Variants in CSMD1 observed in about 807,000 individuals in gnomAD.
CSMD1 encodes CUB and Sushi multiple domains 1.
Under a neutral mutation model 417.5 loss-of-function variants are expected in CSMD1, and 213 were observed. The ratio of observed to expected loss-of-function variants is 0.51; its 90% CI spans 0.46 to 0.57. The LOEUF (loss-of-function observed/expected upper bound fraction) is 0.57. Among genes scored for constraint, CSMD1 ranks in the 20% least tolerant of loss-of-function variants. The pLI is 0.00. For synonymous variants in CSMD1, 2,862 were observed against 1,736.8 expected, an observed-to-expected ratio of 1.65 and a Z score of -16.11; for missense variants, 6,923 against 4,529.7, an observed-to-expected ratio of 1.53 and a Z score of -15.17.
At chr8:4,944,463 T>G (rs967136725) in intron 1 of CSMD1, among the ~76,000 whole-genome samples, 2 of 152,180 alleles carry the variant, frequency 1.3e-5, no homozygotes, top group African/African-American at 2.4e-5. Flanking sequence ...AAATCCTCAT[T>G]TGACTAACCC....
intron 7 of CSMD1, among the ~76,000 whole-genome samples, chr8:3,619,354 C>A (rs538619726): frequency 2.0e-5 from 3 of 149,108 alleles, no homozygotes; most frequent in Non-Finnish European, 3.0e-5. Flanking sequence ...ACATGGAGCA[C>A]GGTAGTTAAT....
chr8:3,387,840 T>A (rs1270535118), intron 17 of CSMD1, among the ~76,000 whole-genome samples, 158 bp from the exon 18 acceptor site: 1 of 152,242 alleles, frequency 6.6e-6, no homozygotes, highest in Non-Finnish European at 1.5e-5. Flanking sequence ...AGCCAATGCA[T>A]CTTCAAACAT....
chr8:3,148,791 A>G (rs1201198297), intron 40 of CSMD1, among the ~76,000 whole-genome samples: 1 of 152,152 alleles, frequency 6.6e-6, no homozygotes, highest in Admixed American at 6.6e-5. Context: ...ACACATCGCC[A>G]CTCACATGCC....
Position 3,060,540 on chromosome 8 carries a change from G to A in CSMD1, c.7475-7893C>T, listed in dbSNP as rs548561837. ...TTAGAACAGACCACTTACTTGGCTA[G>A]GAAGTTAGACTTGCTCACAGGCATG... On this transcript the variant is annotated intron_variant, in intron 49 of 69. Transcript: ENST00000635120. Among the ~76,000 whole-genome samples, 16 of 152,296 alleles carry A rather than the reference G, an allele frequency of 1.1e-4. 1 individual carries two copies. Among genetic ancestry groups the A allele is most frequent in the African/African-American group, 3.6e-4 (15 of 41,562 alleles).
At chr8:3,406,413 G>A (rs938056146) in intron 14 of CSMD1, among the ~76,000 whole-genome samples, 192 bp from the exon 15 acceptor site, 5 of 152,138 alleles carry the variant, frequency 3.3e-5, no homozygotes, top group Middle Eastern at 3.2e-3. Context: ...GAGAAAGAGC[G>A]AGCAGGGAGA....
At chr8:3,941,297 A>C (rs1240441456) in intron 5 of CSMD1, among the ~76,000 whole-genome samples, 1 of 152,178 alleles carries the variant, frequency 6.6e-6, no homozygotes, top group African/African-American at 2.4e-5. Flanking sequence ...TATTATTTTA[A>C]CCAGATTCTC....
At chr8:3,072,615 C>A (rs1298710313) in intron 49 of CSMD1, among the ~76,000 whole-genome samples, 1 of 152,140 alleles carries the variant, frequency 6.6e-6, no homozygotes, top group Non-Finnish European at 1.5e-5. Context: ...TTGGAACACC[C>A]TCAGATGTTT....
intron 11 of CSMD1, among the ~76,000 whole-genome samples, chr8:3,487,967 A>T (rs548354517): frequency 6.6e-6 from 1 of 151,940 alleles, no homozygotes; most frequent in African/African-American, 2.4e-5. Flanking sequence ...TTTATGAGTA[A>T]TTTACTTTCC....
intron 51 of CSMD1, among the ~76,000 whole-genome samples, chr8:3,024,058 T>C (rs1809661610): frequency 6.6e-6 from 1 of 152,118 alleles, no homozygotes; most frequent in African/African-American, 2.4e-5. Context: ...GGAATTAAAT[T>C]ATGTTTTAAT....
chr8:3,585,846 C>A (rs928439676), intron 9 of CSMD1, among the ~76,000 whole-genome samples: 1 of 152,112 alleles, frequency 6.6e-6, no homozygotes, highest in Non-Finnish European at 1.5e-5. Context: ...TATTCACACA[C>A]ATGCACACTG....
At chr8:4,163,680 G>A (rs185286914) in intron 3 of CSMD1, among the ~76,000 whole-genome samples, 6 of 152,094 alleles carry the variant, frequency 3.9e-5, no homozygotes, top group African/African-American at 1.4e-4. Flanking sequence ...AAAACAAGAA[G>A]TAACATATAA....
chr8:3,531,156 T>A (rs1380782301), intron 10 of CSMD1, among the ~76,000 whole-genome samples: 2 of 152,108 alleles, frequency 1.3e-5, no homozygotes, highest in Non-Finnish European at 2.9e-5. Context: ...CCACCACACC[T>A]GGCCCATACT....
intron 5 of CSMD1, among the ~76,000 whole-genome samples, chr8:3,812,511 C>G (rs1801142949): frequency 6.6e-6 from 1 of 152,168 alleles, no homozygotes. Context: ...CACTGAAAAA[C>G]AGTTTGTGGG....
intron 2 of CSMD1, among the ~76,000 whole-genome samples, chr8:4,423,185 A>T (rs1377080159): frequency 6.6e-6 from 1 of 152,102 alleles, no homozygotes; most frequent in Non-Finnish European, 1.5e-5. Context: ...ATTCTTATTC[A>T]ATATCGTGCT....
At chr8:3,720,620 T>TTCTCTCTCACACACAC (rs72331833) in intron 6 of CSMD1, among the ~76,000 whole-genome samples, 5 of 143,322 alleles carry the variant, frequency 3.5e-5, no homozygotes, top group Admixed American at 1.4e-4. Flanking sequence ...TCTTTATTCT[T>TTCTCTCTCACACACAC]ACACACACAC....
At chr8:3,354,917 G>GATCTATCTATAGATATCTATATCTATAGA (rs1191776536) in intron 21 of CSMD1, among the ~76,000 whole-genome samples, 1 of 142,070 alleles carries the variant, frequency 7.0e-6, no homozygotes, top group East Asian at 2.1e-4. Flanking sequence ...CTATAGATAT[G>GATCTATCTATAGATATCTATATCTATAGA]TCTATCTATA....
intron 1 of CSMD1, among the ~76,000 whole-genome samples, chr8:4,761,157 G>C (rs1218246989): frequency 6.6e-6 from 1 of 152,014 alleles, no homozygotes; most frequent in Non-Finnish European, 1.5e-5. Context: ...AATGAAAAAA[G>C]TCACTATGAA....
chr8:4,869,212 G>C (rs1802589498), intron 1 of CSMD1, among the ~76,000 whole-genome samples: 1 of 151,890 alleles, frequency 6.6e-6, no homozygotes, highest in Non-Finnish European at 1.5e-5. Flanking sequence ...ATTTAGAACT[G>C]TATTTTCCCA....
intron 1 of CSMD1, among the ~76,000 whole-genome samples, chr8:4,947,989 T>G (rs552333895): frequency 9.9e-5 from 15 of 152,228 alleles, no homozygotes; most frequent in Admixed American, 8.5e-4. Flanking sequence ...AAAAATCTGC[T>G]GTATGAACTT....
Sources: gnomAD v4.1 joint callset for allele counts (sites outside exome capture counted in the v4.1 genomes callset) on GRCh38, gnomAD v4.1.1 for gene constraint, MANE v1.5 for transcripts, NCBI Gene and HGNC (gene_info 2026-07-23, HGNC 2026-07-21) for gene names.